The following UNC5D variants were observed in gnomAD, a reference collection of about 807,000 sequenced individuals.
UNC5D encodes netrin receptor UNC5D.
In UNC5D, 39 loss-of-function variants were observed where a neutral mutation model predicts 105.4. The ratio of observed to expected loss-of-function variants is 0.37; its 90% CI spans 0.29 to 0.48. The LOEUF (loss-of-function observed/expected upper bound fraction) is 0.48. UNC5D is among the 20% of genes least tolerant of loss of function. UNC5D has a pLI of 0.98. For synonymous variants in UNC5D, 452 were observed against 450.4 expected (o/e 1.00, Z -0.04); for missense variants, 991 against 1,202.4 (o/e 0.82, Z 2.60).
intron 4 of UNC5D, among the ~76,000 whole-genome samples, chr8:35,662,407 A>G (rs1302602214): frequency 1.6e-4 from 25 of 152,212 alleles, no homozygotes; most frequent in Non-Finnish European, 2.9e-5. Flanking sequence ...TAGAGATTGC[A>G]AATGTGTGAA....
intron 1 of UNC5D, among the ~76,000 whole-genome samples, chr8:35,438,145 GT>G (rs1378809894): frequency 2.0e-5 from 3 of 151,926 alleles, no homozygotes; most frequent in Admixed American, 2.0e-4. Flanking sequence ...ACACAGATTA[GT>G]TGAGAAAGCC....
At chr8:35,371,219 G>A (rs893188040) in intron 1 of UNC5D, among the ~76,000 whole-genome samples, 2 of 151,858 alleles carry the variant, frequency 1.3e-5, no homozygotes, top group African/African-American at 4.8e-5. Context: ...TTTTCAGATA[G>A]CAAAGATGGA....
intron 1 of UNC5D, among the ~76,000 whole-genome samples, chr8:35,311,718 A>C (rs1460006048): frequency 1.3e-5 from 2 of 152,166 alleles, no homozygotes; most frequent in Non-Finnish European, 2.9e-5. Flanking sequence ...CCTCAGCAGC[A>C]ACTTGCAAGG....
At chr8:35,474,133 TG>T (rs1809922671) in intron 1 of UNC5D, among the ~76,000 whole-genome samples, 1 of 152,232 alleles carries the variant, frequency 6.6e-6, no homozygotes, top group East Asian at 1.9e-4. Flanking sequence ...ACCATAGCAG[TG>T]TGCACATGCA....
At chr8:35,396,050 T>G (rs1197309921) in intron 1 of UNC5D, among the ~76,000 whole-genome samples, 1 of 152,206 alleles carries the variant, frequency 6.6e-6, no homozygotes, top group Non-Finnish European at 1.5e-5. Context: ...GCATTTAATA[T>G]TAATAATTTA....
chr8:35,619,267 T>A (rs2131019005), intron 4 of UNC5D, among the ~76,000 whole-genome samples: 1 of 152,252 alleles, frequency 6.6e-6, no homozygotes, highest in African/African-American at 2.4e-5. Context: ...CCATATAGGC[T>A]TTTGAAGTAT....
At chr8:35,723,753 A>C (rs892438719) in intron 9 of UNC5D, among the ~76,000 whole-genome samples, 21 of 152,162 alleles carry the variant, frequency 1.4e-4, no homozygotes, top group Admixed American at 3.3e-4. Context: ...TATTTTCATC[A>C]AATAATAAAA....
chr8:35,529,986 T>A (rs953582056), intron 1 of UNC5D, among the ~76,000 whole-genome samples: 1 of 151,232 alleles, frequency 6.6e-6, no homozygotes, highest in East Asian at 2.0e-4. Context: ...TCATGTCATC[T>A]GCAAACAGGG....
intron 1 of UNC5D, among the ~76,000 whole-genome samples, chr8:35,495,530 G>T (rs141710631): frequency 1.3e-5 from 2 of 151,564 alleles, no homozygotes; most frequent in African/African-American, 2.4e-5. Flanking sequence ...TTTGTGTTGG[G>T]CCCCATTCAA....
chr8:35,605,474 T>G (rs916138865), intron 4 of UNC5D, among the ~76,000 whole-genome samples: 1 of 152,214 alleles, frequency 6.6e-6, no homozygotes, highest in Non-Finnish European at 1.5e-5. Flanking sequence ...GCCTCTCAGT[T>G]AGGCTACTTG....
chr8:35,748,034 G>A (rs1830087544), intron 11 of UNC5D, among the ~76,000 whole-genome samples: 1 of 152,188 alleles, frequency 6.6e-6, no homozygotes, highest in South Asian at 2.1e-4. Context: ...CACTCAGTCT[G>A]TATCTTCAAA....
At chr8:35,361,419 G>A (rs1404935000) in intron 1 of UNC5D, among the ~76,000 whole-genome samples, 2 of 152,142 alleles carry the variant, frequency 1.3e-5, no homozygotes, top group African/African-American at 4.8e-5. Context: ...TGTTAAGACT[G>A]TGTAACCTCC....
chr8:35,776,090 T>C lies in UNC5D; in HGVS notation c.2657+1613T>C, dbSNP rs73673927. Reference sequence around the variant, plus strand: ...TCAACATGGATCCAAAAATGAAAAATGAACCCAGAAAATATAACACGGTTA... The same window carrying C: ...TCAACATGGATCCAAAAATGAAAAACGAACCCAGAAAATATAACACGGTTA... On this transcript the variant is annotated intron_variant, in intron 16 of 16. Transcript: ENST00000404895. 7.7e-3 allele frequency among the ~76,000 whole-genome samples: 1,169 copies of C among 152,158 alleles called. 16 individuals are homozygous for C. The highest frequency in any genetic ancestry group is 0.027 in the African/African-American group (1,114 of 41,516).
chr8:35,658,337 T>C (rs1823898438), intron 4 of UNC5D, among the ~76,000 whole-genome samples: 1 of 152,220 alleles, frequency 6.6e-6, no homozygotes, highest in African/African-American at 2.4e-5. Flanking sequence ...ACATCCAACA[T>C]TAAGAAAACC....
chr8:35,584,052 G>C (rs2130853116), intron 3 of UNC5D, among the ~76,000 whole-genome samples: 1 of 152,258 alleles, frequency 6.6e-6, no homozygotes, highest in Non-Finnish European at 1.5e-5. Flanking sequence ...AGGCAACATA[G>C]ACACATGAAT....
At chr8:35,604,796 G>T (rs1038553065) in intron 4 of UNC5D, among the ~76,000 whole-genome samples, 4 of 151,724 alleles carry the variant, frequency 2.6e-5, no homozygotes, top group Non-Finnish European at 5.9e-5. Flanking sequence ...CATTCATTTT[G>T]TCTTCCATCA....
chr8:35,300,149 C>T (rs1807824492), intron 1 of UNC5D, among the ~76,000 whole-genome samples: 1 of 151,754 alleles, frequency 6.6e-6, no homozygotes, highest in African/African-American at 2.4e-5. Context: ...TTAGCTTGGC[C>T]TTTAGGAAGT....
chr8:35,675,013 T>C lies in UNC5D; in HGVS notation c.571-8534T>C, dbSNP rs74468687. ...TCTCTCTACCCTGTCCCACTAGATA[T>C]GGTTGTCTTCCCAAGACGTTTTTTA... On this transcript the variant is annotated intron_variant, in intron 4 of 16. Coordinates refer to ENST00000404895, the MANE Select transcript of UNC5D (RefSeq NM_080872.4). 2.0e-3 allele frequency among the ~76,000 whole-genome samples: 297 copies of C among 152,288 alleles called. 8 individuals are homozygous for C. The East Asian group carries it at 0.052, about 27-fold the overall frequency.
At chr8:35,756,592 A>T (rs1481807023) in intron 13 of UNC5D, among the ~76,000 whole-genome samples, 1 of 150,828 alleles carries the variant, frequency 6.6e-6, no homozygotes, top group Non-Finnish European at 1.5e-5. Context: ...CAAGCATAGT[A>T]GTAAGAAAAG....
Sources: gnomAD v4.1 joint callset for allele counts (sites outside exome capture counted in the v4.1 genomes callset) on GRCh38, gnomAD v4.1.1 for gene constraint, MANE v1.5 for transcripts, NCBI Gene and HGNC (gene_info 2026-07-23, HGNC 2026-07-21) for gene names.